Variants in NEK1 observed in about 807,000 individuals in gnomAD.
The protein encoded by NEK1 is serine/threonine-protein kinase Nek1.
Under a neutral mutation model 182.1 loss-of-function variants are expected in NEK1, and 137 were observed. The observed-to-expected ratio is 0.75, with a 90% CI of 0.65 to 0.87. The LOEUF is 0.87. Among genes scored for constraint, NEK1 ranks in the 40% least tolerant of loss-of-function variants. The pLI is 0.00. For missense variants in NEK1, 1,391 were observed against 1,494.4 expected (o/e 0.93, Z 1.14); for synonymous variants, 513 against 492.2 (o/e 1.04, Z -0.56).
chr4:169,563,016 C>T (rs1027144413), intron 12 of NEK1, among the ~76,000 whole-genome samples: 1 of 151,780 alleles, frequency 6.6e-6, no homozygotes, highest in Non-Finnish European at 1.5e-5. Context: ...AATTTTGATT[C>T]CTTTCTTTCA....
At chr4:169,464,495 T>C (rs1744563507) in intron 26 of NEK1, among the ~76,000 whole-genome samples, 1 of 152,152 alleles carries the variant, frequency 6.6e-6, no homozygotes, top group Non-Finnish European at 1.5e-5. Context: ...ATGTGTTGTG[T>C]ACCTTCACTT....
chr4:169,425,488 C>T (rs1000399754), intron 30 of NEK1, among the ~76,000 whole-genome samples: 6 of 151,140 alleles, frequency 4.0e-5, no homozygotes, highest in Non-Finnish European at 7.4e-5. Flanking sequence ...AAAAAATACA[C>T]TATTTAGATA....
chr4:169,573,152 C>G (rs541199518), intron 12 of NEK1, among the ~76,000 whole-genome samples: 1 of 152,122 alleles, frequency 6.6e-6, no homozygotes, highest in Non-Finnish European at 1.5e-5. Context: ...TTGAGTTGAT[C>G]CTAACTGGGA....
At chr4:169,463,601 G>A (rs1198408028) in intron 26 of NEK1, among the ~76,000 whole-genome samples, 1 of 152,098 alleles carries the variant, frequency 6.6e-6, no homozygotes, top group African/African-American at 2.4e-5. Context: ...CAATTGCCTT[G>A]TAGAATATGA....
intron 19 of NEK1, among the ~76,000 whole-genome samples, chr4:169,529,918 C>T (rs912619525): frequency 5.3e-5 from 8 of 152,092 alleles, no homozygotes; most frequent in Non-Finnish European, 1.2e-4. Context: ...GGATGCAGAG[C>T]AACTGGAATT....
At chr4:169,445,863 T>TATATATATAC (rs1554034324) in intron 27 of NEK1, among the ~76,000 whole-genome samples, 1 of 130,830 alleles carries the variant, frequency 7.6e-6, no homozygotes, top group African/African-American at 2.9e-5. Flanking sequence ...TATATATATA[T>TATATATATAC]ATACACACAC....
At chr4:169,542,611 C>G (rs1378439819) in intron 18 of NEK1, among the ~76,000 whole-genome samples, 1 of 152,210 alleles carries the variant, frequency 6.6e-6, no homozygotes, top group Non-Finnish European at 1.5e-5. Context: ...AATTTACACT[C>G]CCACCAACAG....
In NEK1 at chr4:169,400,505, T is replaced by C. The variant is rs370276476; in HGVS notation, c.3714+16A>G. The stretch of plus-strand genomic sequence containing the variant: ...ACATAGCACATTTTAAGTGTTTTAA[T>C]TGACTTTTCACTTACCTTTATTTTC... On this transcript the variant is annotated intron_variant, in intron 34 of 35. Transcript: ENST00000507142. 2.7e-5 allele frequency: 43 copies of C among 1,591,426 alleles called. No individual in the cohort carries two copies. The highest frequency in any genetic ancestry group is 2.7e-4 in the African/African-American group (20 of 74,052).
intron 16 of NEK1, 34 bp downstream of exon 16, chr4:169,561,446 T>C (rs1762887781): frequency 6.4e-7 from 1 of 1,573,620 alleles, no homozygotes. Flanking sequence ...GAGGGGAAAA[T>C]GGTAGTATAA....
At chr4:169,469,031 G>A (rs1048211951) in intron 26 of NEK1, among the ~76,000 whole-genome samples, 2 of 151,862 alleles carry the variant, frequency 1.3e-5, no homozygotes, top group African/African-American at 2.4e-5. Context: ...CTGGCTAGCC[G>A]TCTATCTATT....
rs576509835 is a variant in NEK1 at position 169,612,415 on chromosome 4, CGGCGGGGTGGGGACG to C, written c.-381_-367del. 5.8e-4 allele frequency: 88 copies of C among 152,280 alleles called. No individual in the cohort carries two copies. The highest frequency in any genetic ancestry group is 2.0e-3 in the African/African-American group (85 of 41,522). The allele number at this position is 152,280 out of a possible 1,614,324, so 9.4% of individuals were successfully genotyped here. A position where few individuals can be genotyped will look rare whatever the true frequency, so the allele number is the denominator to read the frequency against. ...TCACAGAGGTCGTTGCTAGTGGCCACGGCGGGGTGGGGACGGGCGGCGTTCGGGACTGGGAAGCTA... is the reference window on the plus strand; with the variant it reads ...TCACAGAGGTCGTTGCTAGTGGCCACGGCGGCGTTCGGGACTGGGAAGCTA... On this transcript the variant is annotated 5_prime_UTR_variant, in exon 1 of 36. Coordinates refer to ENST00000507142, the MANE Select transcript of NEK1 (RefSeq NM_001199397.3).
chr4:169,471,582 C>T (rs1325588098), intron 26 of NEK1, among the ~76,000 whole-genome samples: 1 of 152,134 alleles, frequency 6.6e-6, no homozygotes, highest in East Asian at 1.9e-4. Context: ...GAGGTGTCTC[C>T]CAGTCAGGAG....
intron 29 of NEK1, among the ~76,000 whole-genome samples, chr4:169,431,243 T>C (rs1017485001): frequency 2.6e-5 from 4 of 152,158 alleles, no homozygotes; most frequent in South Asian, 4.1e-4. Context: ...TATTTTATAA[T>C]GCTATAATGT....
At chr4:169,610,509 C>A (rs1476826543) in intron 2 of NEK1, among the ~76,000 whole-genome samples, 1 of 151,810 alleles carries the variant, frequency 6.6e-6, no homozygotes, top group African/African-American at 2.4e-5. Flanking sequence ...GATATGGGTT[C>A]GCCAGGTCAG....
At chr4:169,479,659 T>C in intron 23 of NEK1, 125 bp from the exon 24 acceptor site, 2 of 762,034 alleles carry the variant, frequency 2.6e-6, no homozygotes, top group Non-Finnish European at 4.2e-6. Context: ...TCCTGAATTA[T>C]CTGTTGAGCA....
chr4:169,464,134 A>T (rs1010291949), intron 26 of NEK1, among the ~76,000 whole-genome samples: 1 of 152,140 alleles, frequency 6.6e-6, no homozygotes, highest in Non-Finnish European at 1.5e-5. Context: ...ATATGCTGCT[A>T]ATAAGCAATC....
chr4:169,593,483 A>G (rs6825672), intron 5 of NEK1, among the ~76,000 whole-genome samples: 150,473 of 152,332 alleles, frequency 0.99, 74,338 homozygotes, highest in East Asian at 1. Context: ...GAGCGGCAAC[A>G]CAGTCTGGAG....
intron 23 of NEK1, among the ~76,000 whole-genome samples, chr4:169,491,666 A>G (rs1750120752): frequency 6.6e-6 from 1 of 152,234 alleles, no homozygotes; most frequent in Non-Finnish European, 1.5e-5. Context: ...AGAACATATC[A>G]AAGTATAAAA....
intron 31 of NEK1, among the ~76,000 whole-genome samples, chr4:169,419,693 C>A (rs916522990): frequency 2.6e-5 from 4 of 152,072 alleles, no homozygotes; most frequent in African/African-American, 9.7e-5. Flanking sequence ...ATTGTGTGAA[C>A]ATCATAGAGT....
Sources: allele counts gnomAD v4.1 joint callset (sites outside exome capture counted in the v4.1 genomes callset), GRCh38; gene constraint gnomAD v4.1.1; transcripts MANE v1.5; gene names NCBI Gene and HGNC (gene_info 2026-07-23, HGNC 2026-07-21).